HS2ST1: variants seen among roughly 807,000 people sequenced by gnomAD.
HS2ST1 encodes the protein 2-O-sulfotransferase.
Under a neutral mutation model 42.9 loss-of-function variants are expected in HS2ST1, and 18 were observed. The observed-to-expected ratio is 0.42, with a 90% CI of 0.29 to 0.62. The LOEUF (loss-of-function observed/expected upper bound fraction) is 0.62. Among genes scored for constraint, HS2ST1 ranks in the 20% least tolerant of loss-of-function variants. The pLI, the probability that HS2ST1 is intolerant of heterozygous loss-of-function variation, is 0.21. For synonymous variants in HS2ST1, 146 were observed against 152.9 expected (o/e 0.95, Z 0.33); for missense variants, 334 against 433.8 (o/e 0.77, Z 2.04).
chr1:87,048,086 T>C (rs1420414777), intron 1 of HS2ST1, among the ~76,000 whole-genome samples: 2 of 152,160 alleles, frequency 1.3e-5, no homozygotes, highest in Non-Finnish European at 2.9e-5. Context: ...TAGATCTTAT[T>C]TAATTTTTCT....
At chr1:87,044,716 C>G (rs1650602932) in intron 1 of HS2ST1, among the ~76,000 whole-genome samples, 1 of 152,162 alleles carries the variant, frequency 6.6e-6, no homozygotes, top group Non-Finnish European at 1.5e-5. Context: ...ATACTTTGTT[C>G]AAAGGGTTTT....
intron 1 of HS2ST1, among the ~76,000 whole-genome samples, chr1:87,005,240 T>C (rs547783510): frequency 6.6e-6 from 1 of 152,344 alleles, no homozygotes; most frequent in East Asian, 1.9e-4. Flanking sequence ...CATGTTGGTT[T>C]TGTTATTTTT....
chr1:86,921,635 C>G (rs569244284), intron 1 of HS2ST1, among the ~76,000 whole-genome samples: 1 of 152,172 alleles, frequency 6.6e-6, no homozygotes, highest in East Asian at 1.9e-4. Flanking sequence ...ATTTGTCCCC[C>G]TTTTGCCATT....
At chr1:87,101,147 G>GTTTTT (rs1557546414) in intron 5 of HS2ST1, among the ~76,000 whole-genome samples, 15 of 75,916 alleles carry the variant, frequency 2.0e-4, no homozygotes, top group Non-Finnish European at 2.3e-4. Context: ...GTGTGTGTGT[G>GTTTTT]TGTTTTTTGT....
intron 2 of HS2ST1, among the ~76,000 whole-genome samples, chr1:87,073,647 C>T (rs765917285): frequency 6.6e-6 from 1 of 151,992 alleles, no homozygotes; most frequent in Non-Finnish European, 1.5e-5. Context: ...GTGGCTTCTT[C>T]AACATAATCT....
intron 1 of HS2ST1, among the ~76,000 whole-genome samples, chr1:87,061,464 A>G (rs1238329507): frequency 3.3e-5 from 5 of 151,908 alleles, no homozygotes; most frequent in Non-Finnish European, 7.4e-5. Flanking sequence ...ATTTTTACCT[A>G]TTCTGGATAT....
chr1:86,918,999 A>T (rs981252879), intron 1 of HS2ST1, among the ~76,000 whole-genome samples: 1 of 147,744 alleles, frequency 6.8e-6, no homozygotes, highest in Non-Finnish European at 1.5e-5. Context: ...TATTTTTTTG[A>T]GATGAGCCTT....
intron 1 of HS2ST1, among the ~76,000 whole-genome samples, chr1:87,015,384 G>T (rs1339371076): frequency 7.7e-6 from 1 of 130,032 alleles, no homozygotes; most frequent in Admixed American, 9.3e-5. Flanking sequence ...GTCTCGTTCC[G>T]TGGCCCAGGC....
chr1:87,047,902 T>C (rs1350283329), intron 1 of HS2ST1, among the ~76,000 whole-genome samples: 1 of 152,156 alleles, frequency 6.6e-6, no homozygotes, highest in Non-Finnish European at 1.5e-5. Flanking sequence ...AATTTTCTTA[T>C]TTTTCAATTT....
chr1:86,986,039 C>CTTT (rs11377612), intron 1 of HS2ST1, among the ~76,000 whole-genome samples: 1,897 of 133,792 alleles, frequency 0.014, 45 homozygotes, highest in African/African-American at 0.049. Context: ...AGCTTGGCCT[C>CTTT]TTTTTTTTTT....
chr1:87,059,129 C>T (rs1366479298), intron 1 of HS2ST1, among the ~76,000 whole-genome samples: 1 of 152,150 alleles, frequency 6.6e-6, no homozygotes, highest in Non-Finnish European at 1.5e-5. Context: ...AGTAGAAGCA[C>T]TTGTTACACT....
intron 1 of HS2ST1, among the ~76,000 whole-genome samples, chr1:86,929,696 T>C (rs1456116519): frequency 6.6e-6 from 1 of 151,830 alleles, no homozygotes; most frequent in Non-Finnish European, 1.5e-5. Flanking sequence ...TTTTAAAGGA[T>C]TAATGATAGT....
intron 5 of HS2ST1, among the ~76,000 whole-genome samples, chr1:87,099,130 T>C (rs1401886018): frequency 6.6e-6 from 1 of 152,212 alleles, no homozygotes. Flanking sequence ...ACATACATTT[T>C]TTTACTTATT....
At chr1:87,052,737 A>C (rs772992923) in intron 1 of HS2ST1, among the ~76,000 whole-genome samples, 1 of 152,214 alleles carries the variant, frequency 6.6e-6, no homozygotes, top group Non-Finnish European at 1.5e-5. Flanking sequence ...CAACTAGTTT[A>C]TACCATTACG....
At chr1:86,971,726 A>G (rs1384669674) in intron 1 of HS2ST1, among the ~76,000 whole-genome samples, 1 of 152,144 alleles carries the variant, frequency 6.6e-6, no homozygotes, top group East Asian at 1.9e-4. Context: ...ATTTTATTTC[A>G]TTGCATCATG....
chr1:86,979,123 T>C (rs1648508901), intron 1 of HS2ST1, among the ~76,000 whole-genome samples: 1 of 152,190 alleles, frequency 6.6e-6, no homozygotes, highest in African/African-American at 2.4e-5. Context: ...CCTAAAATGC[T>C]AGGATTATAG....
intron 1 of HS2ST1, among the ~76,000 whole-genome samples, chr1:86,952,292 C>T (rs550707171): frequency 1.3e-5 from 2 of 152,262 alleles, no homozygotes; most frequent in South Asian, 4.1e-4. Context: ...GGCTGGAGTC[C>T]TGTGGTGTGA....
rs567973466 is a variant in HS2ST1 at position 86,979,967 on chromosome 1, A to G, written c.124+64807A>G. Among the ~76,000 whole-genome samples, 20 of 152,372 alleles carry G rather than the reference A, an allele frequency of 1.3e-4. No individual in the cohort carries two copies. In the East Asian group the frequency reaches 1.7e-3, roughly 13 times the overall value. On this transcript the variant is annotated intron_variant, in intron 1 of 6. Coordinates refer to ENST00000370550, the MANE Select transcript of HS2ST1 (RefSeq NM_012262.4). Reference sequence around the variant, plus strand: ...TAAGATTACCCTGTCTTCACTGGATATGCTATTTCTTCTTTGGAAAATCTT... The same window carrying G: ...TAAGATTACCCTGTCTTCACTGGATGTGCTATTTCTTCTTTGGAAAATCTT...
intron 1 of HS2ST1, among the ~76,000 whole-genome samples, chr1:86,925,614 A>G (rs1660400989): frequency 6.6e-6 from 1 of 152,222 alleles, no homozygotes; most frequent in African/African-American, 2.4e-5. Context: ...TAAAACCATC[A>G]GATCTCATGA....
Sources: gnomAD v4.1 joint callset for allele counts (sites outside exome capture counted in the v4.1 genomes callset) on GRCh38, gnomAD v4.1.1 for gene constraint, MANE v1.5 for transcripts, NCBI Gene and HGNC (gene_info 2026-07-23, HGNC 2026-07-21) for gene names.